Variants in FBXW7 observed in about 807,000 individuals in gnomAD.
FBXW7 encodes the protein F-box and WD repeat domain containing 7.
FBXW7 carries 11 observed loss-of-function variants against 86.3 expected under a neutral mutation model. The ratio of observed to expected loss-of-function variants is 0.13; its 90% CI spans 0.08 to 0.21. FBXW7 has a LOEUF of 0.21. FBXW7 is among the 10% of genes least tolerant of loss of function. FBXW7 has a pLI of 1.00. For missense variants in FBXW7, 488 were observed against 847.4 expected (o/e 0.58, Z 5.27); for synonymous variants, 313 against 297.9 (o/e 1.05, Z -0.52).
At chr4:152,377,742 AAG>A (rs1734684572) in intron 4 of FBXW7, among the ~76,000 whole-genome samples, 1 of 150,630 alleles carries the variant, frequency 6.6e-6, no homozygotes, top group African/African-American at 2.5e-5. Context: ...GTGACAGAGG[AAG>A]AGTCTGTCTC....
At chr4:152,436,287 A>C (rs1740374669) in intron 2 of FBXW7, among the ~76,000 whole-genome samples, 1 of 152,262 alleles carries the variant, frequency 6.6e-6, no homozygotes, top group Admixed American at 6.5e-5. Context: ...CAAATCAACC[A>C]TAACATTTCC....
intron 2 of FBXW7, among the ~76,000 whole-genome samples, chr4:152,426,950 G>A (rs542409618): frequency 1.3e-5 from 2 of 152,270 alleles, no homozygotes; most frequent in African/African-American, 2.4e-5. Flanking sequence ...ATACAACGGG[G>A]AGCTCTGTAA....
chr4:152,505,411 A>T (rs1381012733), intron 2 of FBXW7, among the ~76,000 whole-genome samples: 1 of 152,124 alleles, frequency 6.6e-6, no homozygotes, highest in African/African-American at 2.4e-5. Flanking sequence ...GAACGTTTTA[A>T]TTTTTTGCCT....
chr4:152,517,431 T>C (rs1316974451), intron 2 of FBXW7, among the ~76,000 whole-genome samples: 4 of 152,164 alleles, frequency 2.6e-5, no homozygotes, highest in Non-Finnish European at 4.4e-5. Context: ...CCAATGAAAA[T>C]AGCCAGTACT....
chr4:152,486,687 T>A (rs570526809), intron 2 of FBXW7, among the ~76,000 whole-genome samples: 1 of 151,980 alleles, frequency 6.6e-6, no homozygotes, highest in Admixed American at 6.6e-5. Context: ...CCTGAGGCTG[T>A]TTTGCAGTTA....
chr4:152,379,582 C>T (rs1263887638), intron 4 of FBXW7, among the ~76,000 whole-genome samples: 3 of 152,002 alleles, frequency 2.0e-5, no homozygotes, highest in Non-Finnish European at 4.4e-5. Context: ...GCAGTGGTGC[C>T]ATCACAGCTC....
intron 2 of FBXW7, among the ~76,000 whole-genome samples, chr4:152,466,616 T>C (rs1470901972): frequency 1.3e-5 from 2 of 151,536 alleles, no homozygotes; most frequent in African/African-American, 2.4e-5. Flanking sequence ...ATTCCATACA[T>C]AAGTTTACAA....
chr4:152,422,866 G>A (rs1739065867), intron 2 of FBXW7, among the ~76,000 whole-genome samples: 1 of 152,008 alleles, frequency 6.6e-6, no homozygotes, highest in African/African-American at 2.4e-5. Context: ...ATTTAATCTT[G>A]ACCATTTTTA....
At chr4:152,460,221 TTCA>T (rs894147252) in intron 2 of FBXW7, among the ~76,000 whole-genome samples, 2 of 152,210 alleles carry the variant, frequency 1.3e-5, no homozygotes, top group African/African-American at 4.8e-5. Flanking sequence ...ATATACCATG[TTCA>T]TAAGTTAGAA....
At chr4:152,371,950 T>C (rs1045329820) in intron 4 of FBXW7, among the ~76,000 whole-genome samples, 1 of 151,984 alleles carries the variant, frequency 6.6e-6, no homozygotes, top group East Asian at 1.9e-4. Flanking sequence ...TTTGTAACAG[T>C]AGCAACACAC....
intron 2 of FBXW7, among the ~76,000 whole-genome samples, chr4:152,462,917 C>CTTTTTTTTTTTTT: frequency 7.9e-6 from 1 of 127,082 alleles, no homozygotes; most frequent in Non-Finnish European, 1.7e-5. Context: ...CACTTCCAGT[C>CTTTTTTTTTTTTT]TTTTTTTTTT....
chr4:152,483,753 G>GCA (rs924087691), intron 2 of FBXW7, among the ~76,000 whole-genome samples: 9 of 151,698 alleles, frequency 5.9e-5, no homozygotes, highest in African/African-American at 2.2e-4. Context: ...GTGTGTGTGT[G>GCA]CACACACACA....
intron 2 of FBXW7, among the ~76,000 whole-genome samples, chr4:152,501,425 T>C (rs1482064017): frequency 6.6e-6 from 1 of 152,118 alleles, no homozygotes; most frequent in African/African-American, 2.4e-5. Flanking sequence ...TTTACTTCTG[T>C]AGAAATCAAA....
intron 2 of FBXW7, among the ~76,000 whole-genome samples, chr4:152,452,962 T>C (rs1158222273): frequency 6.6e-6 from 1 of 152,044 alleles, no homozygotes; most frequent in Non-Finnish European, 1.5e-5. Context: ...GCAGGTGGGT[T>C]CCTGAGGTCA....
At chr4:152,439,415 T>G (rs1006722852) in intron 2 of FBXW7, among the ~76,000 whole-genome samples, 1 of 151,894 alleles carries the variant, frequency 6.6e-6, no homozygotes, top group African/African-American at 2.4e-5. Context: ...TATAATATTT[T>G]TATTAGAATG....
At chr4:152,436,724 A>G (rs973811053) in intron 2 of FBXW7, among the ~76,000 whole-genome samples, 1 of 152,114 alleles carries the variant, frequency 6.6e-6, no homozygotes, top group Non-Finnish European at 1.5e-5. Context: ...CATTCCAAAA[A>G]CTGTAGAGCT....
At chr4:152,421,461 G>A (rs1404496955) in intron 2 of FBXW7, among the ~76,000 whole-genome samples, 1 of 152,174 alleles carries the variant, frequency 6.6e-6, no homozygotes, top group Non-Finnish European at 1.5e-5. Context: ...ACTTGAGGAA[G>A]CCGAGGTGGG....
chr4:152,366,922 T>A (rs927675048), intron 4 of FBXW7, among the ~76,000 whole-genome samples: 3 of 152,138 alleles, frequency 2.0e-5, no homozygotes, highest in Non-Finnish European at 4.4e-5. Flanking sequence ...GTGGCAAATA[T>A]ACATCATGGA....
chr4:152,373,222 T>C (rs908402957), intron 4 of FBXW7, among the ~76,000 whole-genome samples: 16 of 152,014 alleles, frequency 1.1e-4, no homozygotes, highest in Non-Finnish European at 2.9e-5. Context: ...TCCTCACGTG[T>C]AAAACAGGTA....
Sources: gnomAD v4.1 joint callset for allele counts (sites outside exome capture counted in the v4.1 genomes callset) on GRCh38, gnomAD v4.1.1 for gene constraint, MANE v1.5 for transcripts, NCBI Gene and HGNC (gene_info 2026-07-23, HGNC 2026-07-21) for gene names.